TUSC3: variants seen among roughly 807,000 people sequenced by gnomAD.
TUSC3 encodes the protein tumor suppressor candidate 3.
Under a neutral mutation model 44.8 loss-of-function variants are expected in TUSC3, and 45 were observed. The ratio of observed to expected loss-of-function variants is 1.00; its 90% CI spans 0.79 to 1.29. TUSC3 has a LOEUF of 1.29. Among genes scored for constraint, TUSC3 ranks in the 50% most tolerant of loss-of-function variants. The pLI, the probability that TUSC3 is intolerant of heterozygous loss-of-function variation, is 0.00. For synonymous variants in TUSC3, 212 were observed against 152.9 expected (o/e 1.39, Z -2.85); for missense variants, 519 against 437.9 (o/e 1.19, Z -1.65).
chr8:15,541,991 C>G (rs1024319545), intron 1 of TUSC3, among the ~76,000 whole-genome samples: 1 of 144,578 alleles, frequency 6.9e-6, no homozygotes, highest in African/African-American at 2.5e-5. Context: ...TTAAGACTGA[C>G]CTTAATCAAT....
At chr8:15,577,765 T>C (rs1407796784) in intron 1 of TUSC3, among the ~76,000 whole-genome samples, 3 of 143,290 alleles carry the variant, frequency 2.1e-5, no homozygotes, top group African/African-American at 7.9e-5. Context: ...CCAGCTTTGT[T>C]CTTTTGGCTT....
At chr8:15,714,794 G>A (rs1209578604) in intron 6 of TUSC3, among the ~76,000 whole-genome samples, 1 of 152,156 alleles carries the variant, frequency 6.6e-6, no homozygotes, top group Non-Finnish European at 1.5e-5. Flanking sequence ...CCCAGAGAAT[G>A]TCTGAAGTGA....
chr8:15,530,686 A>C (rs1801438087), intron 2 of TUSC3, among the ~76,000 whole-genome samples: 1 of 152,260 alleles, frequency 6.6e-6, no homozygotes, highest in Admixed American at 6.5e-5. Context: ...GGACGGAAAC[A>C]AACATATTTT....
At chr8:15,486,232 C>G (rs1012605207) in intron 2 of TUSC3, among the ~76,000 whole-genome samples, 3 of 152,136 alleles carry the variant, frequency 2.0e-5, no homozygotes, top group African/African-American at 4.8e-5. Flanking sequence ...GTAAAGCCGG[C>G]TATAATAAGT....
chr8:15,635,599 C>G (rs1305548574), intron 2 of TUSC3, among the ~76,000 whole-genome samples: 1 of 152,164 alleles, frequency 6.6e-6, no homozygotes, highest in African/African-American at 2.4e-5. Flanking sequence ...ACACACTGTA[C>G]TCTCACAGTG....
intron 9 of TUSC3, among the ~76,000 whole-genome samples, chr8:15,751,335 A>G (rs1811693421): frequency 6.6e-6 from 1 of 152,162 alleles, no homozygotes. Context: ...ACAGAAATCC[A>G]TTGCTTCAGA....
chr8:15,454,537 A>G (rs189235918), intron 1 of TUSC3, among the ~76,000 whole-genome samples: 6 of 152,186 alleles, frequency 3.9e-5, no homozygotes, highest in Non-Finnish European at 8.8e-5. Flanking sequence ...TGTTCCAACT[A>G]GTTTCCAGCT....
intron 6 of TUSC3, among the ~76,000 whole-genome samples, chr8:15,727,042 A>G (rs963969197): frequency 1.8e-4 from 28 of 152,264 alleles, no homozygotes; most frequent in Admixed American, 3.9e-4. Flanking sequence ...CACTCATGAG[A>G]ATTAGTAAAA....
intron 1 of TUSC3, among the ~76,000 whole-genome samples, chr8:15,578,981 C>G (rs1368990868): frequency 6.6e-6 from 1 of 152,016 alleles, no homozygotes; most frequent in Non-Finnish European, 1.5e-5. Context: ...TTGATTATTG[C>G]CACAATTTCA....
At chr8:15,577,939 C>A (rs1384898389) in intron 1 of TUSC3, among the ~76,000 whole-genome samples, 1 of 150,498 alleles carries the variant, frequency 6.6e-6, no homozygotes, top group African/African-American at 2.4e-5. Context: ...ATTCTTCCTA[C>A]CCATGAGCAT....
At chr8:15,698,257 A>G (rs1382225536) in intron 6 of TUSC3, among the ~76,000 whole-genome samples, 1 of 152,168 alleles carries the variant, frequency 6.6e-6, no homozygotes, top group Non-Finnish European at 1.5e-5. Context: ...TACTGTGAAA[A>G]TCAACATTTT....
At chr8:15,816,598 T>G in the TUSC3 span, among the ~76,000 whole-genome samples, 5 of 152,280 alleles carry the variant, frequency 3.3e-5, no homozygotes, top group Non-Finnish European at 5.9e-5. Context: ...AAGACTTAAT[T>G]CGTAAGACGA....
chr8:15,474,753 A>G (rs1800551636), intron 1 of TUSC3, among the ~76,000 whole-genome samples: 1 of 152,226 alleles, frequency 6.6e-6, no homozygotes, highest in South Asian at 2.1e-4. Context: ...CATTACAAAA[A>G]TAAGTGAAAT....
chr8:15,741,268 A>G (rs577072421), intron 7 of TUSC3, among the ~76,000 whole-genome samples: 63 of 152,304 alleles, frequency 4.1e-4, no homozygotes, highest in South Asian at 3.3e-3. Flanking sequence ...TATTTTCCCC[A>G]GTAATAGAAA....
chr8:15,514,327 T>C (rs1433671491), intron 2 of TUSC3, among the ~76,000 whole-genome samples: 1 of 152,188 alleles, frequency 6.6e-6, no homozygotes, highest in East Asian at 1.9e-4. Flanking sequence ...TATTTTTATA[T>C]TTTAGGTATG....
chr8:15,431,096 T>G (rs141355860), intron 1 of TUSC3, among the ~76,000 whole-genome samples: 5 of 151,962 alleles, frequency 3.3e-5, no homozygotes, highest in Admixed American at 6.5e-5. Context: ...CTTTGTAATA[T>G]ATTTTTGAAA....
At chr8:15,727,008 A>G (rs767190116) in intron 6 of TUSC3, among the ~76,000 whole-genome samples, 5 of 152,162 alleles carry the variant, frequency 3.3e-5, no homozygotes, top group Non-Finnish European at 5.9e-5. Context: ...AGAATAAATT[A>G]TCCTGAGTTA....
chr8:15,672,047 T>G (rs1807971551), intron 5 of TUSC3, among the ~76,000 whole-genome samples: 1 of 151,956 alleles, frequency 6.6e-6, no homozygotes, highest in Admixed American at 6.6e-5. Flanking sequence ...GTTAACCCTG[T>G]TTTAGAGATT....
chr8:15,609,223 T>A (rs746273218), intron 1 of TUSC3, among the ~76,000 whole-genome samples: 5 of 152,212 alleles, frequency 3.3e-5, no homozygotes, highest in African/African-American at 7.2e-5. Context: ...AAAGTTTTTT[T>A]CAGCTGTGAC....
Sources: gnomAD v4.1 joint callset for allele counts (sites outside exome capture counted in the v4.1 genomes callset) on GRCh38, gnomAD v4.1.1 for gene constraint, MANE v1.5 for transcripts, NCBI Gene and HGNC (gene_info 2026-07-23, HGNC 2026-07-21) for gene names.